ERGIC1: variants seen among roughly 807,000 people sequenced by gnomAD.
ERGIC1 encodes endoplasmic reticulum-Golgi intermediate compartment protein 1.
Under a neutral mutation model 38.3 loss-of-function variants are expected in ERGIC1, and 19 were observed. The observed-to-expected ratio is 0.50, with a 90% CI of 0.35 to 0.73. The LOEUF is 0.73. ERGIC1 is among the 30% of genes least tolerant of loss of function. ERGIC1 has a pLI of 0.01. For synonymous variants in ERGIC1, 124 were observed against 157.6 expected, an observed-to-expected ratio of 0.79 and a Z score of 1.60; for missense variants, 294 against 389.2, an observed-to-expected ratio of 0.76 and a Z score of 2.06.
chr5:172,929,686 A>G (rs553665095), intron 7 of ERGIC1, among the ~76,000 whole-genome samples: 2 of 152,318 alleles, frequency 1.3e-5, no homozygotes, highest in South Asian at 4.1e-4. Context: ...GTGTCCAGCC[A>G]TAGGGGGTTG....
intron 1 of ERGIC1, among the ~76,000 whole-genome samples, chr5:172,839,242 A>G (rs1761100059): frequency 2.3e-5 from 2 of 87,188 alleles, no homozygotes; most frequent in South Asian, 7.8e-4. Context: ...CTCTGTCTCA[A>G]AAAAAAAAAA....
At chr5:172,869,699 A>T (rs1431673077) in intron 1 of ERGIC1, among the ~76,000 whole-genome samples, 1 of 152,214 alleles carries the variant, frequency 6.6e-6, no homozygotes, top group Non-Finnish European at 1.5e-5. Flanking sequence ...TCTCTCCAAG[A>T]TAAGTTTTTG....
chr5:172,892,060 A>ATTTTTTTTTGTTTTGTTT (rs372105420), intron 2 of ERGIC1, among the ~76,000 whole-genome samples: 3 of 125,530 alleles, frequency 2.4e-5, no homozygotes, highest in Admixed American at 1.7e-4. Context: ...GTTAAAGAGT[A>ATTTTTTTTTGTTTTGTTT]TGTTTTTTTT....
At chr5:172,892,522 A>C (rs947308349) in intron 2 of ERGIC1, among the ~76,000 whole-genome samples, 1 of 152,164 alleles carries the variant, frequency 6.6e-6, no homozygotes, top group Non-Finnish European at 1.5e-5. Context: ...TCTCAGGTCC[A>C]GTGCCCCCTT....
chr5:172,903,605 C>T (rs1368930715), intron 3 of ERGIC1, among the ~76,000 whole-genome samples: 1 of 152,194 alleles, frequency 6.6e-6, no homozygotes, highest in Non-Finnish European at 1.5e-5. Flanking sequence ...ACTGGATCAA[C>T]TCCTTGAGCA....
intron 2 of ERGIC1, among the ~76,000 whole-genome samples, chr5:172,892,516 A>C (rs1372642898): frequency 6.6e-6 from 1 of 152,170 alleles, no homozygotes; most frequent in Non-Finnish European, 1.5e-5. Flanking sequence ...CTTGGGTCTC[A>C]GGTCCAGTGC....
chr5:172,945,844 C>A (rs554068107), intron 9 of ERGIC1, among the ~76,000 whole-genome samples: 1 of 152,050 alleles, frequency 6.6e-6, no homozygotes, highest in Non-Finnish European at 1.5e-5. Flanking sequence ...GCCACCATGC[C>A]CAGCTAATTT....
At chr5:172,864,968 G>A (rs1251359261) in intron 1 of ERGIC1, among the ~76,000 whole-genome samples, 1 of 151,314 alleles carries the variant, frequency 6.6e-6, no homozygotes, top group Non-Finnish European at 1.5e-5. Flanking sequence ...TTGTGTATCT[G>A]CTGCAAAGCC....
chr5:172,834,594 G>GCCA lies in ERGIC1; in HGVS notation c.20+162_20+163insCAC, dbSNP rs1760988159. The stretch of plus-strand genomic sequence containing the variant: ...ACCCCAGGCGAGCCCCCCCCCTGCC[G>GCCA]CACACGAAGCCAGCCAGAGCCGCGG... On this transcript the variant is annotated intron_variant, in intron 1 of 9. Transcript: ENST00000393784. This position sits in a 1 kb window ranked among gnomAD's most constrained non-coding sequence, Gnocchi z 4.1. 4.5e-5 allele frequency among the ~76,000 whole-genome samples: 2 copies of GCCA among 44,156 alleles called. No individual in the cohort carries two copies. Among genetic ancestry groups the GCCA allele is most frequent in the Non-Finnish European group, 1.1e-4 (2 of 17,694 alleles). 29.0% of individuals were successfully genotyped at this position (44,156 alleles called of 152,430 possible).
intron 1 of ERGIC1, among the ~76,000 whole-genome samples, chr5:172,879,660 G>T (rs1375024626): frequency 6.6e-6 from 1 of 152,226 alleles, no homozygotes; most frequent in Admixed American, 6.5e-5. Context: ...TGGTCTCCAT[G>T]GAGGCCATCA....
At chr5:172,909,139 T>TTCTCTTTCC (rs1398803249) in intron 3 of ERGIC1, among the ~76,000 whole-genome samples, 1 of 145,136 alleles carries the variant, frequency 6.9e-6, no homozygotes, top group Non-Finnish European at 1.5e-5. Context: ...ACCCCACCCC[T>TTCTCTTTCC]TCTCTTTCCT....
rs1435329028 is a variant in ERGIC1 at position 172,837,644 on chromosome 5, TG to T, written c.20+3213del. Among the ~76,000 whole-genome samples, 1 of 152,192 alleles carries T rather than the reference TG, an allele frequency of 6.6e-6. No individual in the cohort carries two copies. Among genetic ancestry groups the T allele is most frequent in the African/African-American group, 2.4e-5 (1 of 41,448 alleles). On this transcript the variant is annotated intron_variant, in intron 1 of 9. Transcript: ENST00000393784. The surrounding 1 kb of genome is among the most constrained non-coding windows in gnomAD (Gnocchi z 4.3). ...CAGTGGGCAGATTTTCAGCCATTAGTGGAGAAATCTCCCCTCTCCACCCTTG... is the reference window on the plus strand; with the variant it reads ...CAGTGGGCAGATTTTCAGCCATTAGTGAGAAATCTCCCCTCTCCACCCTTG...
intron 5 of ERGIC1, chr5:172,920,356 A>T (rs757499617): frequency 1.1e-5 from 8 of 717,266 alleles, no homozygotes; most frequent in Non-Finnish European, 1.8e-5. Flanking sequence ...TCCTTATCCG[A>T]CCCCCAGGAA....
chr5:172,841,471 G>A (rs528032653), intron 1 of ERGIC1, among the ~76,000 whole-genome samples: 2 of 152,334 alleles, frequency 1.3e-5, no homozygotes, highest in South Asian at 4.1e-4. Context: ...CACCTGCCAG[G>A]CAGCACAGCT....
chr5:172,919,471 C>T (rs1763455680), intron 5 of ERGIC1, among the ~76,000 whole-genome samples: 1 of 152,214 alleles, frequency 6.6e-6, no homozygotes, highest in South Asian at 2.1e-4. Flanking sequence ...GGCAAACACG[C>T]CCAAGACTGC....
intron 1 of ERGIC1, among the ~76,000 whole-genome samples, chr5:172,856,538 G>C (rs1187667032): frequency 6.6e-6 from 1 of 152,172 alleles, no homozygotes; most frequent in Non-Finnish European, 1.5e-5. Flanking sequence ...GAAAGAGCGG[G>C]GGATACAATG....
chr5:172,944,307 A>C (rs1764071770), intron 9 of ERGIC1, among the ~76,000 whole-genome samples: 1 of 151,790 alleles, frequency 6.6e-6, no homozygotes, highest in South Asian at 2.1e-4. Flanking sequence ...GCAAGGGACC[A>C]AGCCACTCTC....
chr5:172,902,976 C>G (rs988385403), intron 3 of ERGIC1, among the ~76,000 whole-genome samples: 2 of 152,078 alleles, frequency 1.3e-5, no homozygotes, highest in Non-Finnish European at 2.9e-5. Context: ...ACACTCCCCC[C>G]ACCCACACCT....
chr5:172,875,464 C>A (rs906791298), intron 1 of ERGIC1, among the ~76,000 whole-genome samples: 1 of 152,168 alleles, frequency 6.6e-6, no homozygotes, highest in South Asian at 2.1e-4. Context: ...CCCTACCCCC[C>A]CAGCAGGCTT....
Sources: allele counts gnomAD v4.1 joint callset (sites outside exome capture counted in the v4.1 genomes callset), GRCh38; gene constraint gnomAD v4.1.1; non-coding constraint Gnocchi (gnomAD v3.1); transcripts MANE v1.5; gene names NCBI Gene and HGNC (gene_info 2026-07-23, HGNC 2026-07-21).